LPA: variants seen among roughly 807,000 people sequenced by gnomAD.
The protein encoded by LPA is apolipoprotein(a).
LPA carries 199 observed loss-of-function variants against 197.9 expected under a neutral mutation model. That is an observed-to-expected ratio of 1.01 (90% confidence interval 0.90 to 1.13). The LOEUF is 1.13. Among genes scored for constraint, LPA ranks in the 50% most tolerant of loss-of-function variants. The pLI, the probability that LPA is intolerant of heterozygous loss-of-function variation, is 0.00. For missense variants in LPA, 1,853 were observed against 1,785.8 expected, an observed-to-expected ratio of 1.04 and a Z score of -0.68; for synonymous variants, 715 against 639.5, an observed-to-expected ratio of 1.12 and a Z score of -1.78.
chr6:160,590,352 A>G (rs1779002098), intron 23 of LPA, among the ~76,000 whole-genome samples: 3 of 152,160 alleles, frequency 2.0e-5, no homozygotes, highest in African/African-American at 7.2e-5. Flanking sequence ...GTTCCATGAG[A>G]AGGAGGGGCA....
At chr6:160,603,644 C>A (rs1299911785) in intron 18 of LPA, among the ~76,000 whole-genome samples, 6 of 152,170 alleles carry the variant, frequency 3.9e-5, no homozygotes, top group Non-Finnish European at 7.3e-5. Flanking sequence ...ATGGTTCATA[C>A]TAAAAGCTTC....
chr6:160,662,159 G>A (rs946941269), intron 1 of LPA, among the ~76,000 whole-genome samples: 3 of 152,072 alleles, frequency 2.0e-5, no homozygotes, highest in African/African-American at 7.2e-5. Context: ...GGCTCATATG[G>A]CAATGGGGAT....
At chr6:160,650,315 T>A in intron 2 of LPA, 23 bp downstream of exon 2, 1 of 1,611,944 alleles carries the variant, frequency 6.2e-7, no homozygotes, top group South Asian at 1.1e-5. Flanking sequence ...CTTGTTTTGC[T>A]TACTGTAAGA....
rs577085780 is a variant in LPA, at chr6:160,578,450, A to T, written c.4471+73T>A. The stretch of plus-strand genomic sequence containing the variant: ...AACCAACCCTCCAGTGTACCACTGA[A>T]GGCTTCTGCATCAGTAAGATTTTCC... On this transcript the variant is annotated intron_variant, in intron 27 of 38. Transcript: ENST00000316300. The T allele has an allele frequency of 1.7e-5, 27 of 1,567,684 alleles. No individual in the cohort carries two copies. The South Asian group carries it at 2.4e-4, about 14-fold the overall frequency.
chr6:160,653,463 C>G (rs944473648), intron 1 of LPA, among the ~76,000 whole-genome samples: 1 of 151,070 alleles, frequency 6.6e-6, no homozygotes, highest in Non-Finnish European at 1.5e-5. Context: ...AGAAGACAGT[C>G]TTTTGAAGAG....
At chr6:160,588,065 T>C (rs1778948442) in intron 24 of LPA, among the ~76,000 whole-genome samples, 1 of 152,186 alleles carries the variant, frequency 6.6e-6, no homozygotes, top group African/African-American at 2.4e-5. Context: ...AGGTGCATTT[T>C]AAATGTTCTC....
intron 30 of LPA, among the ~76,000 whole-genome samples, chr6:160,550,254 C>G (rs62441900): frequency 0.057 from 8,689 of 151,824 alleles, 315 homozygotes; most frequent in Middle Eastern, 0.15. Context: ...CGGTGAGGAC[C>G]CCGGTGGTGG....
At chr6:160,579,337 A>G (rs1347577286) in intron 26 of LPA, among the ~76,000 whole-genome samples, 1 of 152,162 alleles carries the variant, frequency 6.6e-6, no homozygotes, top group Non-Finnish European at 1.5e-5. Context: ...AGGACTTATA[A>G]AAGCTTCCCT....
At chr6:160,649,159 C>A (rs1779959240) in intron 2 of LPA, among the ~76,000 whole-genome samples, 1 of 152,108 alleles carries the variant, frequency 6.6e-6, no homozygotes, top group South Asian at 2.1e-4. Context: ...TATACTAATT[C>A]TACTCCTAAA....
intron 28 of LPA, among the ~76,000 whole-genome samples, chr6:160,574,461 G>A (rs1157308074): frequency 6.6e-6 from 1 of 152,096 alleles, no homozygotes; most frequent in African/African-American, 2.4e-5. Flanking sequence ...TTCAGGTAGA[G>A]CAGTCCTCCA....
intron 2 of LPA, among the ~76,000 whole-genome samples, chr6:160,648,282 T>C (rs1277183574): frequency 7.2e-5 from 11 of 152,204 alleles, no homozygotes. Flanking sequence ...GTATTATGTC[T>C]TTGCCCTCTG....
Position 160,547,896 on chromosome 6 carries a change from C to A in LPA, c.5197G>T (p.Ala1733Ser), listed in dbSNP as rs1778099595. ...CATGGCGTCCCAGTAACAGTGGTTGCCTTCTTGCCCCGGTATCCTTTCCCA... is the reference window on the plus strand; with the variant it reads ...CATGGCGTCCCAGTAACAGTGGTTGACTTCTTGCCCCGGTATCCTTTCCCA... ...GNGKGYRGKK[A>S]TTVTGTPCQE... The change falls in exon 32 of 39, where the codon GCA becomes TCA. Residue 1733 changes from alanine to serine, a missense_variant. Ala to Ser is a moderately conservative substitution (Grantham distance 99). Coordinates refer to ENST00000316300, the MANE Select transcript of LPA (RefSeq NM_005577.4). 1 of 1,614,038 alleles carries A rather than the reference C, an allele frequency of 6.2e-7. No individual in the cohort carries two copies. The highest frequency in any genetic ancestry group is 1.3e-5 in the African/African-American group (1 of 74,992).
chr6:160,577,892 CTCT>C (rs1314405911), intron 27 of LPA, among the ~76,000 whole-genome samples: 2 of 152,154 alleles, frequency 1.3e-5, no homozygotes, highest in Non-Finnish European at 2.9e-5. Flanking sequence ...AATTCTCTTC[CTCT>C]TCTTCTGTAG....
At chr6:160,559,616 C>T (rs1406165486) in intron 28 of LPA, among the ~76,000 whole-genome samples, 1 of 152,144 alleles carries the variant, frequency 6.6e-6, no homozygotes, top group African/African-American at 2.4e-5. Context: ...TTCGTTTTAT[C>T]ATTTTGATCT....
chr6:160,620,904 TTGTGTG>T (rs768320991), intron 12 of LPA, among the ~76,000 whole-genome samples: 10 of 36,848 alleles, frequency 2.7e-4, no homozygotes, highest in Admixed American at 7.4e-4. Flanking sequence ...TGTTTTCAGT[TTGTGTG>T]TGTGTGTGTG....
intron 26 of LPA, among the ~76,000 whole-genome samples, chr6:160,580,137 T>C (rs1778764677): frequency 6.6e-6 from 1 of 152,220 alleles, no homozygotes; most frequent in Admixed American, 6.5e-5. Context: ...ATACAGACTA[T>C]ACACTTTGAC....
rs199786104 is a variant in LPA at position 160,650,476 on chromosome 6, A to G, written c.71T>C (p.Val24Ala). The G allele has an allele frequency of 6.2e-7, 1 of 1,613,776 alleles. No homozygotes were observed. Among genetic ancestry groups the G allele is most frequent in the East Asian group, 2.2e-5 (1 of 44,868 alleles). The change falls in exon 2 of 39, where the codon GTG becomes GCG. Residue 24 changes from valine to alanine, a missense_variant. By Grantham distance (64) the Val-to-Ala change is moderately conservative. This residue lies in a region of LPA where 88 missense variants were observed against 83.0 expected (regional missense o/e 1.06). Transcript: ENST00000316300. ...ATCACCATGGTAGCAATCCTGGACC[A>G]CATGGCTTTGCTCAGGTGCTGCTAA... ...LKSAAPEQSH[V>A]VQDCYHGDGQ...
Position 160,664,098 on chromosome 6 carries a change from G to A in LPA, c.49+68C>T, listed in dbSNP as rs372180684. On this transcript the variant is annotated intron_variant, in intron 1 of 38. Transcript: ENST00000316300. ...TAAATGAATTGCACATAAAGCCATG[G>A]CATATGTATTTTTACTACATTGTGG... is the stretch of plus-strand genomic sequence containing the variant. The A allele has an allele frequency of 2.3e-5, 29 of 1,288,256 alleles. 1 individual carries two copies. In the African/African-American group the frequency reaches 3.9e-4, roughly 17 times the overall value. 79.8% of individuals were successfully genotyped at this position (1,288,256 alleles called of 1,614,324 possible). A position where few individuals can be genotyped will look rare whatever the true frequency, so the allele number is the denominator to read the frequency against.
In LPA at chr6:160,599,513, T is replaced by C. The variant is rs1457987201; in HGVS notation, c.3274A>G (p.Asn1092Asp). The C allele has an allele frequency of 1.9e-6, 3 of 1,613,824 alleles. No individual in the cohort carries two copies. Among genetic ancestry groups the C allele is most frequent in the South Asian group, 2.2e-5 (2 of 91,070 alleles). Residue 1092 changes from asparagine (N) to aspartate (D), a missense_variant, in exon 20 of 39, where the codon AAC becomes GAC. Transcript: ENST00000316300. Reference protein sequence around the residue: ...TPHQHSRTPENYPNAGLTRNY... With the variant: ...TPHQHSRTPEDYPNAGLTRNY... ...ACAAAGACGTACGCATTTGGGTAGT[T>C]TTCTGGGGTCCGACTATGCTGGTGT...
Sources: allele counts gnomAD v4.1 joint callset (sites outside exome capture counted in the v4.1 genomes callset), GRCh38; gene constraint gnomAD v4.1.1; regional missense constraint gnomAD v4.1.1; transcripts MANE v1.5; gene names NCBI Gene and HGNC (gene_info 2026-07-23, HGNC 2026-07-21).